Variants in DIAPH3 observed in about 807,000 individuals in gnomAD.
DIAPH3 encodes the protein diaphanous related formin 3.
In DIAPH3, 117 loss-of-function variants were observed where a neutral mutation model predicts 144.3. That is an observed-to-expected ratio of 0.81 (90% CI 0.70 to 0.95). The LOEUF is 0.95. Among genes scored for constraint, DIAPH3 ranks in the 40% least tolerant of loss-of-function variants. The pLI, the probability that DIAPH3 is intolerant of heterozygous loss-of-function variation, is 0.00. For synonymous variants in DIAPH3, 519 were observed against 488.9 expected, an observed-to-expected ratio of 1.06 and a Z score of -0.81; for missense variants, 1,421 against 1,412.7, an observed-to-expected ratio of 1.01 and a Z score of -0.09.
At chr13:60,045,762 A>T (rs926600596) in intron 4 of DIAPH3, among the ~76,000 whole-genome samples, 1 of 152,236 alleles carries the variant, frequency 6.6e-6, no homozygotes, top group Non-Finnish European at 1.5e-5. Context: ...GGTAGGATCA[A>T]AATAAACCAC....
intron 25 of DIAPH3, among the ~76,000 whole-genome samples, chr13:59,804,788 G>A (rs1380172623): frequency 1.3e-5 from 2 of 152,102 alleles, no homozygotes; most frequent in African/African-American, 4.8e-5. Flanking sequence ...ACTAGAATAT[G>A]GGCAATTATG....
At chr13:59,913,271 A>G (rs1214899474) in intron 19 of DIAPH3, among the ~76,000 whole-genome samples, 4 of 152,094 alleles carry the variant, frequency 2.6e-5, no homozygotes, top group Non-Finnish European at 5.9e-5. Context: ...TACTATTGTG[A>G]TTTTTAAGTG....
chr13:60,087,678 A>G (rs1805161458), intron 4 of DIAPH3, among the ~76,000 whole-genome samples: 1 of 152,158 alleles, frequency 6.6e-6, no homozygotes, highest in South Asian at 2.1e-4. Context: ...ATTCCTCAGA[A>G]TAGCCCTTAC....
In DIAPH3 at chr13:59,879,380, T is replaced by C; in HGVS notation, c.2456A>G (p.Asp819Gly). The change falls in exon 21 of 28, where the codon GAC (aspartate) becomes GGC (glycine). Residue 819 changes from aspartate (D) to glycine (G), a missense_variant. By Grantham distance (94) the Asp-to-Gly change is moderately conservative. Transcript: ENST00000400324. ...GCAGGCAGTACTGACAGCCATGATG[T>C]CAGGTTTGATGTTGTTCACCTGCTC... is the stretch of plus-strand genomic sequence containing the variant. ...FEEQVNNIKP[D>G]IMAVSTACEE... 2.5e-6 allele frequency: 4 copies of C among 1,613,876 alleles called. No individual in the cohort carries two copies. Among genetic ancestry groups the C allele is most frequent in the Non-Finnish European group, 3.4e-6 (4 of 1,179,850 alleles).
At chr13:60,140,343 A>T (rs757510502) in intron 1 of DIAPH3, among the ~76,000 whole-genome samples, 3 of 152,262 alleles carry the variant, frequency 2.0e-5, no homozygotes, top group Non-Finnish European at 4.4e-5. Context: ...ATACTTGGGA[A>T]TTAAGAAATA....
intron 21 of DIAPH3, 104 bp downstream of exon 21, chr13:59,879,125 T>C (rs991492568): frequency 2.0e-6 from 3 of 1,506,240 alleles, no homozygotes; most frequent in African/African-American, 2.8e-5. Context: ...AAGTTCTTGA[T>C]AATGAGCACA....
At chr13:60,005,897 AT>A (rs1459634880) in intron 9 of DIAPH3, among the ~76,000 whole-genome samples, 1 of 151,738 alleles carries the variant, frequency 6.6e-6, no homozygotes, top group African/African-American at 2.4e-5. Context: ...AATTCTTAAT[AT>A]TTATTTAAGT....
Position 59,980,784 on chromosome 13 carries a change from A to T in DIAPH3, c.1545+11T>A. On this transcript the variant is annotated intron_variant, in intron 14 of 27. Coordinates refer to ENST00000400324, the MANE Select transcript of DIAPH3 (RefSeq NM_001042517.2). ...CCACAGAATACTATAAAGTTAGTGA[A>T]AACTACTTACTTTCTTGTAAAGTTC... is the stretch of plus-strand genomic sequence containing the variant. 2 of 1,605,366 alleles carry T rather than the reference A, an allele frequency of 1.2e-6. No individual in the cohort carries two copies.
intron 27 of DIAPH3, among the ~76,000 whole-genome samples, chr13:59,716,598 C>T (rs1431508533): frequency 2.0e-5 from 3 of 152,198 alleles, no homozygotes; most frequent in Non-Finnish European, 2.9e-5. Flanking sequence ...TGCTGAATAG[C>T]TCCTAGTGCT....
intron 1 of DIAPH3, among the ~76,000 whole-genome samples, chr13:60,138,785 G>GGGGAAGAGGGAAGAGGGAAGA (rs57143670): frequency 5.3e-5 from 4 of 76,024 alleles, no homozygotes; most frequent in East Asian, 2.7e-4. Context: ...AGGAGAAGAA[G>GGGGAAGAGGGAAGAGGGAAGA]GGGAAGAGGG....
chr13:59,977,419 G>A (rs1012333282), intron 14 of DIAPH3, among the ~76,000 whole-genome samples: 5 of 151,832 alleles, frequency 3.3e-5, no homozygotes, highest in Non-Finnish European at 5.9e-5. Flanking sequence ...AAATAAAACT[G>A]CTGAAAGGAA....
chr13:60,119,746 C>CA (rs34356415), intron 2 of DIAPH3, among the ~76,000 whole-genome samples: 2,180 of 49,370 alleles, frequency 0.044, 144 homozygotes, highest in South Asian at 0.094. Context: ...GACTCCGTCT[C>CA]AAAAAAAAAA....
chr13:59,697,491 A>AAAAAAAAAAAAAAAAAAAG (rs1555274392), intron 27 of DIAPH3, among the ~76,000 whole-genome samples: 10 of 78,082 alleles, frequency 1.3e-4, no homozygotes, highest in African/African-American at 4.0e-4. Context: ...AAAAAAAAAA[A>AAAAAAAAAAAAAAAAAAAG]AAGAAGAGGG....
chr13:60,072,695 G>A (rs1271042025), intron 4 of DIAPH3, among the ~76,000 whole-genome samples: 2 of 151,902 alleles, frequency 1.3e-5, no homozygotes, highest in Admixed American at 6.6e-5. Flanking sequence ...ACACAATCCA[G>A]ACATTATTGA....
chr13:59,690,744 G>T (rs537830309), intron 27 of DIAPH3, among the ~76,000 whole-genome samples: 9 of 152,218 alleles, frequency 5.9e-5, no homozygotes, highest in African/African-American at 1.7e-4. Flanking sequence ...TCATGTGATT[G>T]GTTGCTTAAT....
At chr13:59,779,188 A>G (rs1357762379) in intron 25 of DIAPH3, among the ~76,000 whole-genome samples, 1 of 152,224 alleles carries the variant, frequency 6.6e-6, no homozygotes, top group Non-Finnish European at 1.5e-5. Context: ...TCTCACATGC[A>G]TAATGGGAAG....
At chr13:59,989,254 G>GT (rs2051643320) in intron 12 of DIAPH3, among the ~76,000 whole-genome samples, 1 of 151,642 alleles carries the variant, frequency 6.6e-6, no homozygotes, top group East Asian at 1.9e-4. Flanking sequence ...ACACCAACAA[G>GT]AGTAAGTTTT....
chr13:59,865,034 T>A (rs2043833049), intron 21 of DIAPH3, among the ~76,000 whole-genome samples: 1 of 152,044 alleles, frequency 6.6e-6, no homozygotes, highest in African/African-American at 2.4e-5. Context: ...TAAACTACTA[T>A]GCAGCTCTAA....
intron 20 of DIAPH3, among the ~76,000 whole-genome samples, chr13:59,884,067 T>C (rs2045271091): frequency 6.6e-6 from 1 of 152,182 alleles, no homozygotes; most frequent in Admixed American, 6.5e-5. Flanking sequence ...TTCATCTGTA[T>C]TTATAGCTGC....
Sources: gnomAD v4.1 joint callset for allele counts (sites outside exome capture counted in the v4.1 genomes callset) on GRCh38, gnomAD v4.1.1 for gene constraint, MANE v1.5 for transcripts, NCBI Gene and HGNC (gene_info 2026-07-23, HGNC 2026-07-21) for gene names.